The following ABCA13 variants were observed in gnomAD, a reference collection of about 807,000 sequenced individuals.
ABCA13 encodes the protein ATP-binding cassette sub-family A member 13.
In ABCA13, 476 loss-of-function variants were observed where a neutral mutation model predicts 478.7. That is an observed-to-expected ratio of 0.99 (90% CI 0.92 to 1.07). ABCA13 has a LOEUF of 1.07. ABCA13 is among the 50% of genes least tolerant of loss of function. The pLI is 0.00. For synonymous variants in ABCA13, 2,252 were observed against 2,158.9 expected (o/e 1.04, Z -1.20); for missense variants, 6,060 against 5,910.6 (o/e 1.03, Z -0.83).
chr7:48,363,801 A>G (rs1811252089), intron 31 of ABCA13, among the ~76,000 whole-genome samples: 1 of 151,904 alleles, frequency 6.6e-6, no homozygotes, highest in African/African-American at 2.4e-5. Flanking sequence ...TCTTTCTGCT[A>G]CTTTACCATC....
intron 55 of ABCA13, among the ~76,000 whole-genome samples, chr7:48,564,532 A>G (rs1786829053): frequency 6.6e-6 from 1 of 151,982 alleles, no homozygotes; most frequent in Admixed American, 6.6e-5. Flanking sequence ...CTTTAGGAAA[A>G]TAAAAATCTT....
At chr7:48,444,236 A>G (rs899945821) in intron 42 of ABCA13, among the ~76,000 whole-genome samples, 9 of 152,136 alleles carry the variant, frequency 5.9e-5, no homozygotes, top group Non-Finnish European at 1.2e-4. Flanking sequence ...CTTCCTTCAA[A>G]TCATTTCCCT....
At chr7:48,242,568 G>A (rs993655942) in intron 10 of ABCA13, among the ~76,000 whole-genome samples, 1 of 152,062 alleles carries the variant, frequency 6.6e-6, no homozygotes, top group Admixed American at 6.6e-5. Context: ...CTCCTGAGTA[G>A]CTGGGATTAC....
At position 48,289,172 on chromosome 7, in the gene ABCA13, T is replaced by C. The variant is rs940554312; in HGVS notation, c.8955+1094T>C. Among the ~76,000 whole-genome samples the C allele has an allele frequency of 2.6e-5, 4 of 152,108 alleles. No homozygotes were observed. The South Asian group carries it at 8.3e-4, about 32-fold the overall frequency. On this transcript the variant is annotated intron_variant, in intron 20 of 61. Coordinates refer to ENST00000435803, the MANE Select transcript of ABCA13 (RefSeq NM_152701.5). ...GTGAGAGCTGCTGATCTCTAATCAA[T>C]GTCTTGTGGCCTTTGGAGGAGTGGT...
At chr7:48,351,691 A>T (rs116356014) in intron 30 of ABCA13, among the ~76,000 whole-genome samples, 1,742 of 152,310 alleles carry the variant, frequency 0.011, 42 homozygotes, top group African/African-American at 0.04. Context: ...ATTCTGAGGT[A>T]CTGGGGGTTA....
intron 55 of ABCA13, among the ~76,000 whole-genome samples, chr7:48,562,611 G>A (rs2131271635): frequency 6.6e-6 from 1 of 152,182 alleles, no homozygotes; most frequent in Admixed American, 6.5e-5. Flanking sequence ...AAGTAGAGAT[G>A]TTTGAGTCAG....
chr7:48,464,952 A>G (rs2130099984), intron 43 of ABCA13, among the ~76,000 whole-genome samples: 1 of 152,292 alleles, frequency 6.6e-6, no homozygotes, highest in South Asian at 2.1e-4. Context: ...CAAGGTTTCC[A>G]GGCCAGGCTG....
chr7:48,372,451 T>C lies in ABCA13; in HGVS notation c.11087T>C (p.Leu3696Pro), dbSNP rs2129027965. ...ATCAGCTTTCTGCCCTACATAGTTC[T>C]ATTGGTTCTACATAACCAATTAAGT... is the stretch of plus-strand genomic sequence containing the variant. ...YMISFLPYIV[L>P]LVLHNQLSFV... The change falls in exon 33 of 62, where the codon CTA becomes CCA. Residue 3696 changes from leucine to proline, a missense_variant. Leu to Pro is a moderately conservative substitution (Grantham distance 98). Around this residue, in one of 3 missense-constraint regions of ABCA13, gnomAD observed 4,423 missense variants for 4,309.1 expected, o/e 1.03. Coordinates refer to ENST00000435803, the MANE Select transcript of ABCA13 (RefSeq NM_152701.5). The C allele has an allele frequency of 6.2e-7, 1 of 1,611,530 alleles. No homozygotes were observed.
chr7:48,202,224 C>T (rs948835405), intron 3 of ABCA13, among the ~76,000 whole-genome samples: 3 of 152,168 alleles, frequency 2.0e-5, no homozygotes, highest in Non-Finnish European at 2.9e-5. Context: ...CTTATCTGGC[C>T]CCACCCACAT....
rs758106169 is a variant in ABCA13 at position 48,338,460 on chromosome 7, G to A, written c.10204+5G>A. 1 of 1,580,666 alleles carries A rather than the reference G, an allele frequency of 6.3e-7. No homozygotes were observed. The highest frequency in any genetic ancestry group is 1.8e-5 in the Admixed American group (1 of 56,180). On this transcript the variant is annotated splice_donor_5th_base_variant and intron_variant, in intron 29 of 61. Coordinates refer to ENST00000435803, the MANE Select transcript of ABCA13 (RefSeq NM_152701.5). ...CTGAAAAACTCCAGACATACGGTAAGTGTGCTGATGGGCATGGTAGTGTTC... is the reference window on the plus strand; with the variant it reads ...CTGAAAAACTCCAGACATACGGTAAATGTGCTGATGGGCATGGTAGTGTTC...
chr7:48,308,563 A>G (rs1381005946), intron 23 of ABCA13, among the ~76,000 whole-genome samples: 2 of 152,136 alleles, frequency 1.3e-5, no homozygotes, highest in Non-Finnish European at 2.9e-5. Context: ...CCAGGCTACA[A>G]CACTACAATG....
intron 27 of ABCA13, among the ~76,000 whole-genome samples, chr7:48,330,853 G>A (rs564213085): frequency 2.4e-4 from 37 of 152,288 alleles, no homozygotes; most frequent in African/African-American, 8.2e-4. Flanking sequence ...TGGGGAGAAA[G>A]CAGGCTCTTA....
intron 25 of ABCA13, 78 bp downstream of exon 25, chr7:48,313,309 T>G: frequency 2.1e-6 from 3 of 1,413,292 alleles, no homozygotes; most frequent in Non-Finnish European, 2.9e-6. Flanking sequence ...TGCCTTTATC[T>G]TCCCACATCT....
At position 48,317,287 on chromosome 7, in the gene ABCA13, C is replaced by A. The variant is rs939843045; in HGVS notation, c.9990C>A (p.Val3330=). The A allele has an allele frequency of 1.9e-6, 3 of 1,612,714 alleles. No homozygotes were observed. Among genetic ancestry groups the A allele is most frequent in the African/African-American group, 2.7e-5 (2 of 74,894 alleles). The change falls in exon 27 of 62, where the codon GTC becomes GTA. Residue 3330 remains valine, a synonymous_variant. Coordinates refer to ENST00000435803, the MANE Select transcript of ABCA13 (RefSeq NM_152701.5). ...CAAACACTCCAGAAATTAACAAGGT[C>A]ATTCAAAAGGTAAGTTAAAATAAAT... is the stretch of plus-strand genomic sequence containing the variant. The part of the protein sequence containing the change: ...YTPNTPEINK[V]IQKANYTFYI...
At chr7:48,333,484 T>C (rs892850685) in intron 27 of ABCA13, among the ~76,000 whole-genome samples, 2 of 152,204 alleles carry the variant, frequency 1.3e-5, no homozygotes, top group African/African-American at 4.8e-5. Flanking sequence ...TAGTTGTCTT[T>C]TCTTTGGTTA....
At chr7:48,363,654 C>T (rs1250359945) in intron 31 of ABCA13, among the ~76,000 whole-genome samples, 2 of 151,986 alleles carry the variant, frequency 1.3e-5, no homozygotes, top group Non-Finnish European at 1.5e-5. Flanking sequence ...GCATTTCTTG[C>T]ACCTATTTTC....
intron 55 of ABCA13, among the ~76,000 whole-genome samples, chr7:48,532,759 C>T (rs1314196798): frequency 6.6e-6 from 1 of 151,982 alleles, no homozygotes; most frequent in Admixed American, 6.6e-5. Flanking sequence ...GGAATTTATT[C>T]ATCTCCTTCA....
At chr7:48,440,294 G>C (rs979981774) in intron 42 of ABCA13, among the ~76,000 whole-genome samples, 2 of 151,770 alleles carry the variant, frequency 1.3e-5, no homozygotes, top group African/African-American at 4.8e-5. Context: ...TCCTCACAAG[G>C]GTAATTGAAT....
At chr7:48,637,506 GA>G (rs893342235) in intron 59 of ABCA13, among the ~76,000 whole-genome samples, 8 of 149,406 alleles carry the variant, frequency 5.4e-5, no homozygotes, top group East Asian at 3.9e-4. Flanking sequence ...GCTAAGGACA[GA>G]AAAAAAAATC....
Sources: gnomAD v4.1 joint callset for allele counts (sites outside exome capture counted in the v4.1 genomes callset) on GRCh38, gnomAD v4.1.1 for gene constraint, gnomAD v4.1.1 regional missense constraint, MANE v1.5 for transcripts, NCBI Gene and HGNC (gene_info 2026-07-23, HGNC 2026-07-21) for gene names.